The following SEMA3F variants were observed in gnomAD, a reference collection of about 807,000 sequenced individuals.
The protein encoded by SEMA3F is semaphorin-3F.
A neutral mutation model predicts 98.5 loss-of-function variants in SEMA3F; 30 were observed. The observed-to-expected ratio is 0.30, with a 90% CI of 0.23 to 0.41. SEMA3F has a LOEUF of 0.41. SEMA3F is among the 10% of genes least tolerant of loss of function. SEMA3F has a pLI of 1.00. For missense variants in SEMA3F, 866 were observed against 1,119.3 expected (o/e 0.77, Z 3.23); for synonymous variants, 380 against 444.8 (o/e 0.85, Z 1.83).
intron 2 of SEMA3F, among the ~76,000 whole-genome samples, chr3:50,169,339 G>T (rs753026718): frequency 6.6e-6 from 1 of 152,138 alleles, no homozygotes; most frequent in African/African-American, 2.4e-5. Context: ...CCTTGAGAAG[G>T]TCCTGCCTCT....
chr3:50,167,985 A>G (rs1349626899), intron 2 of SEMA3F, among the ~76,000 whole-genome samples: 2 of 152,208 alleles, frequency 1.3e-5, no homozygotes, highest in Non-Finnish European at 2.9e-5. Context: ...GCGGTTATTG[A>G]ATAAAAACAC....
chr3:50,164,182 C>T (rs1178528197), intron 2 of SEMA3F, among the ~76,000 whole-genome samples: 1 of 152,226 alleles, frequency 6.6e-6, no homozygotes, highest in Non-Finnish European at 1.5e-5. Context: ...CCTCCACTGT[C>T]TGGGCCTCCG....
chr3:50,174,046 C>G lies in SEMA3F; in HGVS notation c.274-6C>G. On this transcript the variant is annotated splice_region_variant and splice_polypyrimidine_tract_variant and intron_variant, in intron 3 of 18. Coordinates refer to ENST00000002829, the MANE Select transcript of SEMA3F (RefSeq NM_004186.5). ...AGGCTGCACCTTCTGACCCCCCTCTCTGCAGATACACTGGGCAGCCTCCCC... is the reference window on the plus strand; with the variant it reads ...AGGCTGCACCTTCTGACCCCCCTCTGTGCAGATACACTGGGCAGCCTCCCC... 1 of 1,614,118 alleles carries G rather than the reference C, an allele frequency of 6.2e-7. No homozygotes were observed. The highest frequency in any genetic ancestry group is 8.5e-7 in the Non-Finnish European group (1 of 1,180,040).
rs1698076392 is a variant in SEMA3F, at chr3:50,158,342, G to A, written c.-48-1233G>A. 1.3e-5 allele frequency among the ~76,000 whole-genome samples: 2 copies of A among 152,248 alleles called. No individual in the cohort carries two copies. Among genetic ancestry groups the A allele is most frequent in the Non-Finnish European group, 1.5e-5 (1 of 68,042 alleles). Reference sequence around the variant, plus strand: ...GGGTACCGCGTAAGGAGTGGGCCAAGAGGCTGAAGCTGCACTTCCTGTCTG... The same window carrying A: ...GGGTACCGCGTAAGGAGTGGGCCAAAAGGCTGAAGCTGCACTTCCTGTCTG... On this transcript the variant is annotated intron_variant, in intron 1 of 18. Transcript: ENST00000002829. The surrounding 1 kb of genome is among the most constrained non-coding windows in gnomAD (Gnocchi z 4.8).
intron 17 of SEMA3F, 88 bp downstream of exon 17, chr3:50,186,436 A>G: frequency 6.8e-7 from 1 of 1,461,600 alleles, no homozygotes; most frequent in Non-Finnish European, 9.5e-7. Context: ...CCCCCACTGT[A>G]AGGGTGCTCT....
In SEMA3F at chr3:50,184,754, A is replaced by G. The variant is rs754401762; in HGVS notation, c.1396A>G (p.Ile466Val). The G allele has an allele frequency of 1.4e-5, 22 of 1,613,900 alleles. No individual in the cohort carries two copies. Among genetic ancestry groups the G allele is most frequent in the Non-Finnish European group, 1.7e-5 (20 of 1,179,980 alleles). Reference protein sequence around the residue: ...RTGAPYRLTTIAVDQVDAADG... With the variant: ...RTGAPYRLTTVAVDQVDAADG... ...AGGTGCTCCCTACCGCCTTACCACT[A>G]TTGCCGTGGACCAGGTGGATGCAGC... is the stretch of plus-strand genomic sequence containing the variant. Residue 466 changes from isoleucine (I) to valine (V), a missense_variant, in exon 13 of 19, where the codon ATT becomes GTT. This residue lies in a region of SEMA3F where 374 missense variants were observed against 582.8 expected (regional missense o/e 0.64). Coordinates refer to ENST00000002829, the MANE Select transcript of SEMA3F (RefSeq NM_004186.5).
chr3:50,161,047 A>T lies in SEMA3F; in HGVS notation c.112+1313A>T, dbSNP rs181373947. Among the ~76,000 whole-genome samples, 32 of 152,220 alleles carry T rather than the reference A, an allele frequency of 2.1e-4. 1 individual carries two copies. The South Asian group carries it at 3.7e-3, about 18-fold the overall frequency. ...GATACCTCCACCCTTCCCTGGTGGA[A>T]TTCTTCAGAGCAGATTAATAAATCT... On this transcript the variant is annotated intron_variant, in intron 2 of 18. Coordinates refer to ENST00000002829, the MANE Select transcript of SEMA3F (RefSeq NM_004186.5).
chr3:50,157,755 A>G (rs560574657), intron 1 of SEMA3F, among the ~76,000 whole-genome samples: 1 of 152,254 alleles, frequency 6.6e-6, no homozygotes, highest in South Asian at 2.1e-4. Context: ...GACCCAGTAG[A>G]AAGACTCCCC....
chr3:50,167,786 G>GA (rs1287487195), intron 2 of SEMA3F, among the ~76,000 whole-genome samples: 1 of 152,144 alleles, frequency 6.6e-6, no homozygotes, highest in East Asian at 1.9e-4. Flanking sequence ...ATGTGTCAGG[G>GA]ATACAGAGAC....
chr3:50,171,224 G>A (rs1421784143), intron 2 of SEMA3F, among the ~76,000 whole-genome samples: 1 of 152,194 alleles, frequency 6.6e-6, no homozygotes, highest in African/African-American at 2.4e-5. Flanking sequence ...CCTAAGCTGG[G>A]ACTCAGTTTC....
chr3:50,167,831 C>T (rs367606350), intron 2 of SEMA3F, among the ~76,000 whole-genome samples: 2 of 152,164 alleles, frequency 1.3e-5, no homozygotes, highest in East Asian at 1.9e-4. Context: ...GCCAGTGGTG[C>T]CTGTCCCCTT....
Position 50,188,770 on chromosome 3 carries a change from T to C in SEMA3F, c.*655T>C, listed in dbSNP as rs1231438485. The stretch of plus-strand genomic sequence containing the variant: ...TGGCCAGGGCAGGGCCACCCCACTC[T>C]ACCTCCTTAGCTTTCCCTGTGCCAC... On this transcript the variant is annotated 3_prime_UTR_variant, in exon 19 of 19. Coordinates refer to ENST00000002829, the MANE Select transcript of SEMA3F (RefSeq NM_004186.5). The surrounding 1 kb of genome is among the most constrained non-coding windows in gnomAD (Gnocchi z 4.5). The C allele has an allele frequency of 1.3e-5, 2 of 152,778 alleles. No homozygotes were observed. The highest frequency in any genetic ancestry group is 2.9e-5 in the Non-Finnish European group (2 of 68,144). The allele number at this position is 152,778 out of a possible 1,614,324, so 9.5% of individuals were successfully genotyped here.
chr3:50,173,467 A>G (rs1469163411), intron 2 of SEMA3F: 1 of 306,042 alleles, frequency 3.3e-6, no homozygotes, highest in Non-Finnish European at 6.2e-6. Flanking sequence ...GTGAGACTCC[A>G]TCTCAAAAAA....
At position 50,176,749 on chromosome 3, in the gene SEMA3F, G is replaced by A. The variant is rs1471249462; in HGVS notation, c.550-19G>A. 1 of 1,582,198 alleles carries A rather than the reference G, an allele frequency of 6.3e-7. No homozygotes were observed. The highest frequency in any genetic ancestry group is 8.7e-7 in the Non-Finnish European group (1 of 1,152,796). Reference sequence around the variant, plus strand: ...GGGGGACTGGCCTGGACGATGCTGAGCCCCGCTCTGCCTTACAGGATTACA... The same window carrying A: ...GGGGGACTGGCCTGGACGATGCTGAACCCCGCTCTGCCTTACAGGATTACA... On this transcript the variant is annotated intron_variant, in intron 6 of 18. Coordinates refer to ENST00000002829, the MANE Select transcript of SEMA3F (RefSeq NM_004186.5).
chr3:50,170,891 G>A (rs531168256), intron 2 of SEMA3F, among the ~76,000 whole-genome samples: 5 of 152,054 alleles, frequency 3.3e-5, no homozygotes, highest in South Asian at 4.2e-4. Flanking sequence ...GAGGGGTCCC[G>A]CAGGTCCTGA....
At chr3:50,170,810 G>A (rs1257220723) in intron 2 of SEMA3F, among the ~76,000 whole-genome samples, 1 of 151,982 alleles carries the variant, frequency 6.6e-6, no homozygotes. Context: ...CCCCCACACT[G>A]TTTCCACAGT....
intron 7 of SEMA3F, among the ~76,000 whole-genome samples, chr3:50,180,141 G>T (rs1174434736): frequency 1.3e-5 from 2 of 151,110 alleles, no homozygotes; most frequent in East Asian, 1.9e-4. Flanking sequence ...TAGCTTTTTT[G>T]TTTTTTTTTA....
At chr3:50,162,601 C>T (rs1698250671) in intron 2 of SEMA3F, among the ~76,000 whole-genome samples, 1 of 152,210 alleles carries the variant, frequency 6.6e-6, no homozygotes, top group Non-Finnish European at 1.5e-5. Context: ...TTCCTTCCCC[C>T]ACCTTGAGAT....
intron 6 of SEMA3F, 78 bp downstream of exon 6, chr3:50,175,266 C>G: frequency 9.9e-7 from 1 of 1,008,298 alleles, no homozygotes; most frequent in East Asian, 2.6e-5. Flanking sequence ...CACCTGAGGC[C>G]AGCCTCCCCA....
Sources: gnomAD v4.1 joint callset for allele counts (sites outside exome capture counted in the v4.1 genomes callset) on GRCh38, gnomAD v4.1.1 for gene constraint, gnomAD v4.1.1 regional missense constraint, Gnocchi (gnomAD v3.1) non-coding constraint, MANE v1.5 for transcripts, NCBI Gene and HGNC (gene_info 2026-07-23, HGNC 2026-07-21) for gene names.